Variants in LY9 observed in about 807,000 individuals in gnomAD.
The protein encoded by LY9 is T-lymphocyte surface antigen Ly-9.
In LY9, 59 loss-of-function variants were observed where a neutral mutation model predicts 64.6. The ratio of observed to expected loss-of-function variants is 0.91; its 90% CI spans 0.74 to 1.13. The LOEUF (loss-of-function observed/expected upper bound fraction) is 1.13. LY9 is among the 50% of genes most tolerant of loss of function. The pLI is 0.00. For missense variants in LY9, 789 were observed against 797.2 expected (o/e 0.99, Z 0.12); for synonymous variants, 281 against 308.5 (o/e 0.91, Z 0.93).
chr1:160,823,673 G>C lies in LY9; in HGVS notation c.1707G>C (p.Glu569Asp). The change falls in exon 8 of 10, where the codon GAG becomes GAC. Residue 569 changes from glutamate to aspartate, a missense_variant. Glu to Asp is a conservative substitution (Grantham distance 45). Coordinates refer to ENST00000263285, the MANE Select transcript of LY9 (RefSeq NM_002348.4). ...RYEVFDQVTQEGAGHDPAPEG... is the reference protein window; with the variant it reads ...RYEVFDQVTQDGAGHDPAPEG... ...AGGTATTTGACCAGGTCACTCAGGA[G>C]GGCGCTGGACATGACCCAGCCCCTG... The C allele has an allele frequency of 1.2e-6, 2 of 1,614,112 alleles. No homozygotes were observed. The highest frequency in any genetic ancestry group is 1.7e-6 in the Non-Finnish European group (2 of 1,179,970).
chr1:160,799,880 A>T lies in LY9; in HGVS notation c.252A>T (p.Lys84Asn), dbSNP rs143236491. 2.3e-5 allele frequency: 37 copies of T among 1,614,054 alleles called. No homozygotes were observed. In the African/African-American group the frequency reaches 4.3e-4, roughly 19 times the overall value. ...EIENVIWIGP[K>N]NALAFARPKE... ...AGAACGTCATCTGGATTGGTCCCAA[A>T]AATGCTCTTGCTTTCGCACGTCCCA... Residue 84 changes from lysine to asparagine, a missense_variant, in exon 2 of 10, where the codon AAA becomes AAT. Transcript: ENST00000263285.
intron 7 of LY9, among the ~76,000 whole-genome samples, chr1:160,820,638 T>G (rs1246642709): frequency 6.6e-6 from 1 of 152,006 alleles, no homozygotes. Context: ...AGAGCCCTGG[T>G]GTCCCCCTGC....
At chr1:160,822,994 G>A (rs1668591256) in intron 7 of LY9, among the ~76,000 whole-genome samples, 1 of 152,064 alleles carries the variant, frequency 6.6e-6, no homozygotes. Flanking sequence ...CCACTTTCAT[G>A]AGTTCCTCTC....
intron 7 of LY9, among the ~76,000 whole-genome samples, chr1:160,820,510 C>G (rs1459774272): frequency 6.6e-6 from 1 of 152,196 alleles, no homozygotes; most frequent in Non-Finnish European, 1.5e-5. Flanking sequence ...GGGCAGGGAG[C>G]ATGTGACGAT....
In LY9 at chr1:160,827,875, C is replaced by A; in HGVS notation, c.*59C>A. 1.4e-6 allele frequency: 2 copies of A among 1,383,982 alleles called. No homozygotes were observed. The highest frequency in any genetic ancestry group is 2.0e-6 in the Non-Finnish European group (2 of 985,930). The allele number at this position is 1,383,982 out of a possible 1,614,324, so 85.7% of individuals were successfully genotyped here. A position where few individuals can be genotyped will look rare whatever the true frequency, so the allele number is the denominator to read the frequency against. ...CGTGGGGTTGGAAAGTCAGCTGGAC[C>A]TCATGGGGCCTGGGGCTCACAGACA... On this transcript the variant is annotated 3_prime_UTR_variant, in exon 10 of 10. Coordinates refer to ENST00000263285, the MANE Select transcript of LY9 (RefSeq NM_002348.4).
chr1:160,815,954 C>CA (rs1403545535), intron 4 of LY9, among the ~76,000 whole-genome samples: 1 of 152,192 alleles, frequency 6.6e-6, no homozygotes, highest in African/African-American at 2.4e-5. Context: ...TCAGCATACC[C>CA]CCTGCCTGAG....
intron 6 of LY9, among the ~76,000 whole-genome samples, chr1:160,818,655 C>A (rs1056192949): frequency 6.6e-6 from 1 of 152,094 alleles, no homozygotes; most frequent in Admixed American, 6.5e-5. Flanking sequence ...CAGAGCTCTC[C>A]ACCTTTCATC....
At chr1:160,821,196 A>G (rs974416652) in intron 7 of LY9, among the ~76,000 whole-genome samples, 1 of 150,610 alleles carries the variant, frequency 6.6e-6, no homozygotes, top group Non-Finnish European at 1.5e-5. Context: ...CATACAGTTA[A>G]AAGTAGTTCT....
intron 2 of LY9, chr1:160,802,376 C>A (rs1365538435): frequency 1.0e-6 from 1 of 988,066 alleles, no homozygotes. Context: ...CCCCTCTCAG[C>A]CAGGCCTGGC....
At chr1:160,797,300 T>A (rs1294887450) in intron 1 of LY9, 3 of 985,118 alleles carry the variant, frequency 3.0e-6, no homozygotes, top group Non-Finnish European at 3.6e-6. Flanking sequence ...CTGAGAGCAG[T>A]GGGGGTTGGC....
intron 2 of LY9, among the ~76,000 whole-genome samples, chr1:160,800,977 A>G (rs1451270394): frequency 6.6e-6 from 1 of 152,240 alleles, no homozygotes; most frequent in Non-Finnish European, 1.5e-5. Context: ...AGGGACACAG[A>G]TTAATTCTAT....
intron 2 of LY9, among the ~76,000 whole-genome samples, chr1:160,804,383 T>C (rs953108295): frequency 3.3e-5 from 5 of 152,246 alleles, no homozygotes; most frequent in African/African-American, 7.2e-5. Flanking sequence ...TGATGTGATG[T>C]ATCACATTTA....
At chr1:160,825,181 C>G (rs2101840922) in intron 9 of LY9, among the ~76,000 whole-genome samples, 1 of 150,992 alleles carries the variant, frequency 6.6e-6, no homozygotes, top group East Asian at 1.9e-4. Context: ...GAAATCTAGC[C>G]TGGGTGACAG....
chr1:160,809,055 T>C (rs1472370238), intron 2 of LY9, among the ~76,000 whole-genome samples: 3 of 152,126 alleles, frequency 2.0e-5, no homozygotes, highest in African/African-American at 4.8e-5. Flanking sequence ...TTCCAATATT[T>C]CCTCTTATAA....
chr1:160,815,701 A>G (rs755937227), intron 4 of LY9, among the ~76,000 whole-genome samples: 11 of 152,362 alleles, frequency 7.2e-5, no homozygotes, highest in Non-Finnish European at 1.3e-4. Context: ...CTGCATTTTT[A>G]TAAACTATTA....
chr1:160,797,268 T>C (rs966301788), intron 1 of LY9: 6 of 985,442 alleles, frequency 6.1e-6, no homozygotes, highest in Non-Finnish European at 7.2e-6. Flanking sequence ...TCAGGGATGA[T>C]GGTGCAGGTA....
Position 160,814,689 on chromosome 1 carries a change from C to G in LY9, c.1000C>G (p.Pro334Ala). ...CCAGCTGAAGATAGAGGACGCCGGC[C>G]CCTACCATGCCTACGTGTGCTCAGA... ...ISQLKIEDAGPYHAYVCSEAS... is the reference protein window; with the variant it reads ...ISQLKIEDAGAYHAYVCSEAS... The change falls in exon 4 of 10, where the codon CCC becomes GCC. Residue 334 changes from proline to alanine, a missense_variant. Coordinates refer to ENST00000263285, the MANE Select transcript of LY9 (RefSeq NM_002348.4). 2 of 1,614,174 alleles carry G rather than the reference C, an allele frequency of 1.2e-6. No homozygotes were observed. The highest frequency in any genetic ancestry group is 1.7e-6 in the Non-Finnish European group (2 of 1,180,024).
chr1:160,812,254 A>C (rs184921901), intron 2 of LY9: 2 of 152,310 alleles, frequency 1.3e-5, no homozygotes, highest in African/African-American at 4.8e-5. Context: ...TTATAAGGAT[A>C]CCACTCATAT....
At chr1:160,820,832 TAATTG>T (rs1249276880) in intron 7 of LY9, among the ~76,000 whole-genome samples, 1 of 142,838 alleles carries the variant, frequency 7.0e-6, no homozygotes, top group East Asian at 2.0e-4. Flanking sequence ...ATTTGTTGTT[TAATTG>T]AATAGTTTTT....
Sources: allele counts gnomAD v4.1 joint callset (sites outside exome capture counted in the v4.1 genomes callset), GRCh38; gene constraint gnomAD v4.1.1; transcripts MANE v1.5; gene names NCBI Gene and HGNC (gene_info 2026-07-23, HGNC 2026-07-21).